Variants in RBMS2 observed in about 807,000 individuals in gnomAD.
The protein encoded by RBMS2 is RNA binding motif single stranded interacting protein 2.
A neutral mutation model predicts 58.4 loss-of-function variants in RBMS2; 38 were observed. The ratio of observed to expected loss-of-function variants is 0.65; its 90% confidence interval spans 0.50 to 0.85. The LOEUF (loss-of-function observed/expected upper bound fraction) is 0.85. Ranked by LOEUF, RBMS2 falls within the 40% of genes least tolerant of loss-of-function variation. The pLI, the probability that RBMS2 is intolerant of heterozygous loss-of-function variation, is 0.00. For missense variants in RBMS2, 367 were observed against 503.7 expected (o/e 0.73, Z 2.60); for synonymous variants, 151 against 180.7 (o/e 0.84, Z 1.32).
intron 2 of RBMS2, among the ~76,000 whole-genome samples, chr12:56,567,297 A>G (rs1457177787): frequency 6.6e-6 from 1 of 151,902 alleles, no homozygotes; most frequent in African/African-American, 2.4e-5. Flanking sequence ...AGGCAGGAGA[A>G]TCGCTTGAAC....
intron 1 of RBMS2, among the ~76,000 whole-genome samples, chr12:56,545,373 A>G (rs551284845): frequency 8.3e-4 from 126 of 152,282 alleles, no homozygotes; most frequent in African/African-American, 2.6e-3. Context: ...TGCTATAAAC[A>G]TGTACCTCAT....
intron 5 of RBMS2, 94 bp from the exon 6 acceptor site, chr12:56,581,090 G>A (rs1016108779): frequency 3.9e-6 from 4 of 1,024,694 alleles, no homozygotes; most frequent in Non-Finnish European, 6.2e-6. Flanking sequence ...GAGCAGTTGT[G>A]GGGCTGGGAA....
In RBMS2 at chr12:56,595,432, G is replaced by A. The variant is rs779131672; in HGVS notation, c.*6299G>A. 6.6e-6 allele frequency: 1 copy of A among 151,908 alleles called. No homozygotes were observed. The highest frequency in any genetic ancestry group is 6.6e-5 in the Admixed American group (1 of 15,210). The allele number at this position is 151,908 out of a possible 1,614,324, so 9.4% of individuals were successfully genotyped here. On this transcript the variant is annotated 3_prime_UTR_variant, in exon 14 of 14. Transcript: ENST00000262031. ...CATATTTTGCATATTTTTATCTGGA[G>A]ACTTCTTCTAGTTTTATACTCTTCC...
intron 5 of RBMS2, among the ~76,000 whole-genome samples, chr12:56,577,456 A>AATTATTATTATTATT (rs138810999): frequency 6.1e-4 from 89 of 145,724 alleles, no homozygotes; most frequent in African/African-American, 2.1e-3. Context: ...GTTCATACAA[A>AATTATTATTATTATT]ATTATTATTA....
intron 12 of RBMS2, 181 bp from the exon 13 acceptor site, chr12:56,588,751 A>C: frequency 1.5e-6 from 1 of 646,988 alleles, no homozygotes; most frequent in Admixed American, 2.8e-5. Flanking sequence ...CGTCTTGGGA[A>C]GAGGACAGGC....
chr12:56,595,949 T>G lies in RBMS2; in HGVS notation c.*6816T>G, dbSNP rs1247374846. On this transcript the variant is annotated 3_prime_UTR_variant, in exon 14 of 14. Coordinates refer to ENST00000262031, the MANE Select transcript of RBMS2 (RefSeq NM_002898.4). Reference sequence around the variant, plus strand: ...TTTGAATCTCTATCAAATGTGGTTTTTTTTATTCAACAACTGACAAGCACT... The same window carrying G: ...TTTGAATCTCTATCAAATGTGGTTTGTTTTATTCAACAACTGACAAGCACT... 1.3e-5 allele frequency: 2 copies of G among 152,720 alleles called. No homozygotes were observed. Among genetic ancestry groups the G allele is most frequent in the Non-Finnish European group, 2.9e-5 (2 of 68,050 alleles). 9.5% of individuals were successfully genotyped at this position (152,720 alleles called of 1,614,324 possible). A position where few individuals can be genotyped will look rare whatever the true frequency, so the allele number is the denominator to read the frequency against.
At chr12:56,582,359 C>T (rs1183425421) in intron 9 of RBMS2, among the ~76,000 whole-genome samples, 1 of 152,182 alleles carries the variant, frequency 6.6e-6, no homozygotes, top group Non-Finnish European at 1.5e-5. Flanking sequence ...TCCCCCTCCA[C>T]CACCTCCACA....
At chr12:56,526,914 A>G (rs1011804987) in intron 1 of RBMS2, among the ~76,000 whole-genome samples, 11 of 152,184 alleles carry the variant, frequency 7.2e-5, no homozygotes, top group Admixed American at 3.3e-4. Context: ...TTTGGAAAAA[A>G]AGAAAAGGGA....
intron 1 of RBMS2, among the ~76,000 whole-genome samples, chr12:56,534,766 C>T (rs922570374): frequency 3.3e-5 from 5 of 152,202 alleles, no homozygotes; most frequent in African/African-American, 9.6e-5. Flanking sequence ...CTCAGCCTCC[C>T]GAATAGCAGG....
rs1339972327 is a variant in RBMS2 at position 56,592,989 on chromosome 12, G to A, written c.*3856G>A. ...GCCCAGTTCGTTATTTTAAGTTTTT[G>A]TAGAGACAGGGGTCTTACTATGTTG... On this transcript the variant is annotated 3_prime_UTR_variant, in exon 14 of 14. Transcript: ENST00000262031. The A allele has an allele frequency of 2.6e-5, 4 of 151,986 alleles. No individual in the cohort carries two copies. The highest frequency in any genetic ancestry group is 4.4e-5 in the Non-Finnish European group (3 of 68,030). The allele number at this position is 151,986 out of a possible 1,614,324, so 9.4% of individuals were successfully genotyped here.
rs145500353 is a variant in RBMS2 at position 56,582,216 on chromosome 12, T to C, written c.873+64T>C. The C allele has an allele frequency of 4.1e-4, 575 of 1,390,204 alleles. 3 individuals are homozygous for C. In the African/African-American group the frequency reaches 7.7e-3, roughly 19 times the overall value. The allele number at this position is 1,390,204 out of a possible 1,614,324, so 86.1% of individuals were successfully genotyped here. ...TACTACTGTGCTTTAAGTGAAGTAA[T>C]ATAAGGCTAGGAACTACTTGTTTTT... is the stretch of plus-strand genomic sequence containing the variant. On this transcript the variant is annotated intron_variant, in intron 9 of 13. Coordinates refer to ENST00000262031, the MANE Select transcript of RBMS2 (RefSeq NM_002898.4).
At chr12:56,545,116 T>G (rs1876919408) in intron 1 of RBMS2, among the ~76,000 whole-genome samples, 1 of 152,102 alleles carries the variant, frequency 6.6e-6, no homozygotes, top group South Asian at 2.1e-4. Context: ...CTCTTGTGCC[T>G]TTGCATCCTC....
intron 4 of RBMS2, 27 bp downstream of exon 4, chr12:56,570,017 C>T (rs1203530970): frequency 1.3e-6 from 2 of 1,572,912 alleles, no homozygotes; most frequent in East Asian, 2.2e-5. Flanking sequence ...ATGTCTGTTC[C>T]TCCAAGGGGT....
intron 1 of RBMS2, among the ~76,000 whole-genome samples, chr12:56,543,431 G>C (rs2136310805): frequency 6.6e-6 from 1 of 151,742 alleles, no homozygotes; most frequent in Admixed American, 6.6e-5. Context: ...ATTGCTGTGA[G>C]CTGGGATCAT....
At chr12:56,545,337 C>T (rs988617813) in intron 1 of RBMS2, among the ~76,000 whole-genome samples, 5 of 152,126 alleles carry the variant, frequency 3.3e-5, no homozygotes, top group East Asian at 1.9e-4. Flanking sequence ...AGGTTGGTTC[C>T]GTATCTTTGC....
chr12:56,540,727 G>T (rs888534493), intron 1 of RBMS2, among the ~76,000 whole-genome samples: 2 of 152,118 alleles, frequency 1.3e-5, no homozygotes, highest in Non-Finnish European at 2.9e-5. Context: ...CATAGGTGTT[G>T]TTAACTGTCC....
chr12:56,589,375 G>C lies in RBMS2; in HGVS notation c.*242G>C, dbSNP rs1263112283. The C allele has an allele frequency of 9.2e-7, 1 of 1,088,964 alleles. No homozygotes were observed. Among genetic ancestry groups the C allele is most frequent in the Non-Finnish European group, 1.2e-6 (1 of 867,002 alleles). 67.5% of individuals were successfully genotyped at this position (1,088,964 alleles called of 1,614,324 possible). ...ACTTTTTTTGTGTGCTACATTCAAG[G>C]AGATCAAAAAAACTTTTCTTCTTTT... On this transcript the variant is annotated 3_prime_UTR_variant, in exon 14 of 14. Transcript: ENST00000262031.
At chr12:56,558,588 TC>T (rs1879757030) in intron 1 of RBMS2, among the ~76,000 whole-genome samples, 2 of 25,416 alleles carry the variant, frequency 7.9e-5, no homozygotes, top group Admixed American at 7.8e-4. Context: ...TTTTTCTTTT[TC>T]CTTTTTTTTT....
At chr12:56,584,731 G>C (rs1884443949) in intron 9 of RBMS2, among the ~76,000 whole-genome samples, 1 of 151,704 alleles carries the variant, frequency 6.6e-6, no homozygotes, top group African/African-American at 2.4e-5. Context: ...CTTGCAGTAA[G>C]CCGAGATCGC....
Sources: gnomAD v4.1 joint callset for allele counts (sites outside exome capture counted in the v4.1 genomes callset) on GRCh38, gnomAD v4.1.1 for gene constraint, MANE v1.5 for transcripts, NCBI Gene and HGNC (gene_info 2026-07-23, HGNC 2026-07-21) for gene names.